Variants in LARP4 observed in about 807,000 individuals in gnomAD.
LARP4 encodes La ribonucleoprotein 4.
In LARP4, 29 loss-of-function variants were observed where a neutral mutation model predicts 92.9. The observed-to-expected ratio is 0.31, with a 90% CI of 0.23 to 0.43. The LOEUF (loss-of-function observed/expected upper bound fraction) is 0.43. LARP4 is among the 20% of genes least tolerant of loss of function. The pLI is 1.00. For missense variants in LARP4, 732 were observed against 860.0 expected (o/e 0.85, Z 1.86); for synonymous variants, 279 against 284.1 (o/e 0.98, Z 0.18).
intron 8 of LARP4, among the ~76,000 whole-genome samples, chr12:50,449,877 C>A (rs1175123140): frequency 6.7e-6 from 1 of 148,340 alleles, no homozygotes; most frequent in Non-Finnish European, 1.5e-5. Flanking sequence ...TTGATATTGG[C>A]CTCTTTGAAT....
At chr12:50,472,014 G>A (rs571450331) in intron 13 of LARP4, among the ~76,000 whole-genome samples, 2 of 152,160 alleles carry the variant, frequency 1.3e-5, no homozygotes, top group Admixed American at 6.5e-5. Context: ...ATAGTTTGCT[G>A]TTTTTATTTC....
chr12:50,438,627 A>G (rs1950775435), intron 6 of LARP4, among the ~76,000 whole-genome samples: 1 of 152,274 alleles, frequency 6.6e-6, no homozygotes, highest in African/African-American at 2.4e-5. Context: ...ATACATTATA[A>G]TCAATTTGAC....
intron 4 of LARP4, among the ~76,000 whole-genome samples, chr12:50,432,472 AC>A (rs1290405180): frequency 1.3e-5 from 2 of 152,076 alleles, no homozygotes; most frequent in Non-Finnish European, 2.9e-5. Flanking sequence ...GTTTTGTGTC[AC>A]CCTAATCTTA....
At chr12:50,461,402 A>T (rs900439233) in intron 11 of LARP4, 55 bp downstream of exon 11, 1 of 1,445,652 alleles carries the variant, frequency 6.9e-7, no homozygotes, top group African/African-American at 1.4e-5. Flanking sequence ...ATCCTGAATA[A>T]TTGAAGAACA....
rs776182357 is a variant in LARP4, at chr12:50,475,734, A to C, written c.2045A>C (p.Asn682Thr). The part of the protein sequence containing the change: ...ASKDYSGFRG[N>T]IIPRGAAGKI... ...AAGGATTATTCTGGCTTCCGAGGCA[A>C]TATAATCCCCAGGGGAGCAGCAGGA... The change falls in exon 16 of 16, where the codon AAT (asparagine) becomes ACT (threonine). Residue 682 changes from asparagine (N) to threonine (T), a missense_variant. Asn to Thr is a moderately conservative substitution (Grantham distance 65, BLOSUM62 0). Transcript: ENST00000398473. 2.5e-6 allele frequency: 4 copies of C among 1,614,154 alleles called. No individual in the cohort carries two copies. The highest frequency in any genetic ancestry group is 3.4e-6 in the Non-Finnish European group (4 of 1,180,030).
rs1450238467 is a variant in LARP4 at position 50,477,427 on chromosome 12, T to G, written c.*1563T>G. 7 of 152,530 alleles carry G rather than the reference T, an allele frequency of 4.6e-5. No individual in the cohort carries two copies. The highest frequency in any genetic ancestry group is 1.0e-4 in the Non-Finnish European group (7 of 67,986). 9.4% of individuals were successfully genotyped at this position (152,530 alleles called of 1,614,324 possible). A position where few individuals can be genotyped will look rare whatever the true frequency, so the allele number is the denominator to read the frequency against. ...TGTTAGTAAATTACATATGTACAAA[T>G]TGAAACTGTAAATTGTGAACACTGG... On this transcript the variant is annotated 3_prime_UTR_variant, in exon 16 of 16. Transcript: ENST00000398473.
chr12:50,445,251 A>G (rs1951832111), intron 8 of LARP4, among the ~76,000 whole-genome samples: 1 of 152,122 alleles, frequency 6.6e-6, no homozygotes, highest in African/African-American at 2.4e-5. Flanking sequence ...GATGACAGCT[A>G]AAATTATTTT....
intron 13 of LARP4, among the ~76,000 whole-genome samples, chr12:50,472,109 G>A (rs187583291): frequency 6.6e-6 from 1 of 152,048 alleles, no homozygotes; most frequent in Non-Finnish European, 1.5e-5. Context: ...TTCTAAACCT[G>A]TTGAAATTTT....
At chr12:50,437,907 C>A in intron 6 of LARP4, 69 bp downstream of exon 6, 1 of 1,024,800 alleles carries the variant, frequency 9.8e-7, no homozygotes, top group Non-Finnish European at 1.4e-6. Flanking sequence ...TTCTGCCTTT[C>A]GTGGCAAAGA....
chr12:50,455,065 C>G (rs181327227), intron 10 of LARP4: 8 of 152,300 alleles, frequency 5.3e-5, no homozygotes, highest in African/African-American at 1.9e-4. Context: ...CTAGGCAGTT[C>G]AACTCCAAAG....
intron 1 of LARP4, chr12:50,415,935 A>G (rs1363063552): frequency 6.6e-6 from 1 of 151,330 alleles, no homozygotes; most frequent in East Asian, 1.9e-4. Flanking sequence ...TTGAACTCCT[A>G]AGCTCAAGTG....
Position 50,454,323 on chromosome 12 carries a change from C to A in LARP4, c.1027C>A (p.Pro343Thr), listed in dbSNP as rs1481589594. The change falls in exon 10 of 16, where the codon CCC becomes ACC. Residue 343 changes from proline to threonine, a missense_variant. Transcript: ENST00000398473. The part of the protein sequence containing the change: ...PYFETPLAPF[P>T]NGSFVNGFNS... ...ATACATTTTTTTCTAGGCTCCCTTT[C>A]CCAATGGTAGTTTTGTGAATGGCTT... 6.2e-7 allele frequency: 1 copy of A among 1,611,808 alleles called. No homozygotes were observed. The highest frequency in any genetic ancestry group is 8.5e-7 in the Non-Finnish European group (1 of 1,178,968).
intron 4 of LARP4, among the ~76,000 whole-genome samples, chr12:50,432,647 G>T (rs1041017745): frequency 6.6e-6 from 1 of 152,090 alleles, no homozygotes; most frequent in Non-Finnish European, 1.5e-5. Context: ...ATCACCTGAG[G>T]TGAGGAGTTC....
rs140538730 is a variant in LARP4 at position 50,459,716 on chromosome 12, C to T, written c.1122-1419C>T. Reference sequence around the variant, plus strand: ...GCACGTGCCTATAGTCCCAGCTACTCGGGAGGCTGAGGCAGGAGAATCTCT... The same window carrying T: ...GCACGTGCCTATAGTCCCAGCTACTTGGGAGGCTGAGGCAGGAGAATCTCT... On this transcript the variant is annotated intron_variant, in intron 10 of 15. Transcript: ENST00000398473. Among the ~76,000 whole-genome samples the T allele has an allele frequency of 1.5e-4, 22 of 149,712 alleles. No individual in the cohort carries two copies. The East Asian group carries it at 3.4e-3, about 23-fold the overall frequency.
intron 8 of LARP4, among the ~76,000 whole-genome samples, chr12:50,449,221 G>A (rs1266142236): frequency 6.6e-6 from 1 of 152,230 alleles, no homozygotes; most frequent in South Asian, 2.1e-4. Context: ...CCCAACATTG[G>A]CGGCAGAGCA....
chr12:50,445,892 T>A (rs1193088002), intron 8 of LARP4, among the ~76,000 whole-genome samples: 1 of 152,182 alleles, frequency 6.6e-6, no homozygotes, highest in African/African-American at 2.4e-5. Context: ...CAGTCTGACA[T>A]CTGGGTCATC....
chr12:50,401,103 A>G (rs181072587), intron 1 of LARP4, 75 bp downstream of exon 1: 40 of 1,561,594 alleles, frequency 2.6e-5, no homozygotes, highest in South Asian at 1.3e-4. Flanking sequence ...TCCCACCGCC[A>G]TGTGACTTTC....
Position 50,454,347 on chromosome 12 carries a change from T to C in LARP4, c.1051T>C (p.Phe351Leu). 1 of 1,613,538 alleles carries C rather than the reference T, an allele frequency of 6.2e-7. No homozygotes were observed. Among genetic ancestry groups the C allele is most frequent in the Non-Finnish European group, 8.5e-7 (1 of 1,179,854 alleles). Reference protein sequence around the residue: ...PFPNGSFVNGFNSPGSYKTNA... With the variant: ...PFPNGSFVNGLNSPGSYKTNA... ...TCCCAATGGTAGTTTTGTGAATGGC[T>C]TTAATTCGCCAGGATCTTATAAAAC... Residue 351 changes from phenylalanine (F) to leucine (L), a missense_variant, in exon 10 of 16, where the codon TTT becomes CTT. Physicochemically the swap from Phe to Leu is conservative, Grantham distance 22. Around this residue, in one of 7 missense-constraint regions of LARP4, gnomAD observed 264 missense variants for 269.5 expected, o/e 0.98. Transcript: ENST00000398473.
At chr12:50,465,371 C>CAAAA (rs368980753) in intron 12 of LARP4, among the ~76,000 whole-genome samples, 25 of 112,354 alleles carry the variant, frequency 2.2e-4, no homozygotes, top group Admixed American at 5.6e-4. Flanking sequence ...GACTCTGTCT[C>CAAAA]AAAAAAAAAA....
Sources: allele counts gnomAD v4.1 joint callset (sites outside exome capture counted in the v4.1 genomes callset), GRCh38; gene constraint gnomAD v4.1.1; regional missense constraint gnomAD v4.1.1; transcripts MANE v1.5; gene names NCBI Gene and HGNC (gene_info 2026-07-23, HGNC 2026-07-21).